The following CHD5 variants were observed in gnomAD, a reference collection of about 807,000 sequenced individuals.
The protein encoded by CHD5 is chromodomain helicase DNA binding protein 5, also known as ATP-dependent chromatin remodeler CHD5.
In CHD5, 69 loss-of-function variants were observed where a neutral mutation model predicts 230.3. The observed-to-expected ratio is 0.30, with a 90% CI of 0.25 to 0.37. CHD5 has a LOEUF of 0.37. CHD5 is among the 10% of genes least tolerant of loss of function. The pLI is 1.00. For missense variants in CHD5, 1,827 were observed against 2,622.8 expected (o/e 0.70, Z 6.63); for synonymous variants, 1,064 against 1,065.9 (o/e 1.00, Z 0.03).
At chr1:6,178,278 G>A (rs1039600711) in intron 1 of CHD5, among the ~76,000 whole-genome samples, 2 of 151,402 alleles carry the variant, frequency 1.3e-5, no homozygotes, top group South Asian at 2.1e-4. Context: ...TAGACTGGGG[G>A]CACCTTCCCT....
intron 1 of CHD5, among the ~76,000 whole-genome samples, chr1:6,172,387 T>C (rs1278833638): frequency 2.0e-5 from 3 of 152,142 alleles, no homozygotes; most frequent in East Asian, 1.9e-4. Flanking sequence ...TGCAGTGTTA[T>C]GATCATGGCT....
At chr1:6,179,273 G>A (rs1441668746) in intron 1 of CHD5, among the ~76,000 whole-genome samples, 1 of 152,310 alleles carries the variant, frequency 6.6e-6, no homozygotes, top group Middle Eastern at 3.4e-3. Flanking sequence ...AGCGGCGGGC[G>A]CTAGGTCGCG....
In CHD5 at chr1:6,134,625, C is replaced by T; in HGVS notation, c.3012+93G>A. 1 of 1,324,108 alleles carries T rather than the reference C, an allele frequency of 7.6e-7. No homozygotes were observed. Among genetic ancestry groups the T allele is most frequent in the Non-Finnish European group, 1.1e-6 (1 of 924,140 alleles). The allele number at this position is 1,324,108 out of a possible 1,614,324, so 82.0% of individuals were successfully genotyped here. A position where few individuals can be genotyped will look rare whatever the true frequency, so the allele number is the denominator to read the frequency against. ...AAATCGCCACAATGGCCAGGAGAAC[C>T]TATCACAGCGGCCACAGGGACCTAC... On this transcript the variant is annotated intron_variant, in intron 19 of 41. Transcript: ENST00000262450. This position sits in a 1 kb window ranked among gnomAD's most constrained non-coding sequence, Gnocchi z 6.3.
In CHD5 at chr1:6,121,920, C is replaced by T. The variant is rs1032328390; in HGVS notation, c.4700-347G>A. Among the ~76,000 whole-genome samples the T allele has an allele frequency of 7.9e-5, 12 of 152,208 alleles. No homozygotes were observed. The highest frequency in any genetic ancestry group is 1.9e-4 in the African/African-American group (8 of 41,464). On this transcript the variant is annotated intron_variant, in intron 31 of 41. Coordinates refer to ENST00000262450, the MANE Select transcript of CHD5 (RefSeq NM_015557.3). This position sits in a 1 kb window ranked among gnomAD's most constrained non-coding sequence, Gnocchi z 4.5. ...ACCCGCTCTGGTCCCAGCTTTCGGG[C>T]GGGCTGGCTGGTGTGTGCCTCTGGA...
chr1:6,121,364 C>G lies in CHD5; in HGVS notation c.4780-127G>C. On this transcript the variant is annotated intron_variant, in intron 32 of 41. Coordinates refer to ENST00000262450, the MANE Select transcript of CHD5 (RefSeq NM_015557.3). The surrounding 1 kb of genome is among the most constrained non-coding windows in gnomAD (Gnocchi z 4.5). Reference sequence around the variant, plus strand: ...TCGCTTGCTCCTAGCCTGCTCCCCGCCGATTCAGAGCCCCGAAAAGGGAGC... The same window carrying G: ...TCGCTTGCTCCTAGCCTGCTCCCCGGCGATTCAGAGCCCCGAAAAGGGAGC... 2.7e-6 allele frequency: 4 copies of G among 1,505,052 alleles called. No individual in the cohort carries two copies. Among genetic ancestry groups the G allele is most frequent in the Non-Finnish European group, 3.6e-6 (4 of 1,098,442 alleles). 93.2% of individuals were successfully genotyped at this position (1,505,052 alleles called of 1,614,324 possible).
intron 2 of CHD5, among the ~76,000 whole-genome samples, chr1:6,166,168 C>T (rs1341506533): frequency 6.6e-6 from 1 of 151,154 alleles, no homozygotes; most frequent in Non-Finnish European, 1.5e-5. Context: ...GGCAGAGGGG[C>T]CAGGGTCTCT....
intron 1 of CHD5, among the ~76,000 whole-genome samples, chr1:6,174,980 T>TGGTGGGG (rs1667400680): frequency 7.3e-6 from 1 of 137,846 alleles, no homozygotes; most frequent in African/African-American, 2.9e-5. Flanking sequence ...GAAGGATGGA[T>TGGTGGGG]GGATGGATGG....
rs746754866 is a variant in CHD5 at position 6,136,871 on chromosome 1, GA to G, written c.2437-7del. ...AATTTGATCTGCACTTCTTTCTGGAGAAAAGAGGGGCATTGGGGATGAGACG... is the reference window on the plus strand; with the variant it reads ...AATTTGATCTGCACTTCTTTCTGGAGAAAGAGGGGCATTGGGGATGAGACG... On this transcript the variant is annotated splice_region_variant and splice_polypyrimidine_tract_variant and intron_variant, in intron 15 of 41. Coordinates refer to ENST00000262450, the MANE Select transcript of CHD5 (RefSeq NM_015557.3). 6.2e-7 allele frequency: 1 copy of G among 1,603,204 alleles called. No homozygotes were observed.
intron 9 of CHD5, among the ~76,000 whole-genome samples, chr1:6,147,546 G>T (rs1261493095): frequency 2.0e-5 from 3 of 152,208 alleles, no homozygotes; most frequent in East Asian, 1.9e-4. Context: ...CCCTGAGATG[G>T]GTGGGAGCAG....
rs1666659297 is a variant in CHD5 at position 6,131,614 on chromosome 1, G to A, written c.3262+17C>T. On this transcript the variant is annotated intron_variant, in intron 21 of 41. Coordinates refer to ENST00000262450, the MANE Select transcript of CHD5 (RefSeq NM_015557.3). This position sits in a 1 kb window ranked among gnomAD's most constrained non-coding sequence, Gnocchi z 5.0. ...AAAAGGAGTCTCAATCAGAACCCTTGGGCAGGATGGGGGTACCATTGAATC... is the reference window on the plus strand; with the variant it reads ...AAAAGGAGTCTCAATCAGAACCCTTAGGCAGGATGGGGGTACCATTGAATC... The A allele has an allele frequency of 6.8e-6, 10 of 1,468,140 alleles. No individual in the cohort carries two copies. Among genetic ancestry groups the A allele is most frequent in the Non-Finnish European group, 9.5e-6 (10 of 1,047,782 alleles). The allele number at this position is 1,468,140 out of a possible 1,614,324, so 90.9% of individuals were successfully genotyped here.
In CHD5 at chr1:6,134,115, A is replaced by G. The variant is rs779930984; in HGVS notation, c.3144+13T>C. 6 of 1,605,446 alleles carry G rather than the reference A, an allele frequency of 3.7e-6. No homozygotes were observed. Among genetic ancestry groups the G allele is most frequent in the Non-Finnish European group, 5.1e-6 (6 of 1,175,754 alleles). On this transcript the variant is annotated intron_variant, in intron 20 of 41. Transcript: ENST00000262450. The surrounding 1 kb of genome is among the most constrained non-coding windows in gnomAD (Gnocchi z 6.3). Reference sequence around the variant, plus strand: ...GTGTGGAGCCGGGGCGGGGGTGGGCAGGGGCAGCGCACCTGGGAGAAGATG... The same window carrying G: ...GTGTGGAGCCGGGGCGGGGGTGGGCGGGGGCAGCGCACCTGGGAGAAGATG...
intron 15 of CHD5, among the ~76,000 whole-genome samples, chr1:6,141,594 G>C (rs997972846): frequency 6.6e-6 from 1 of 152,016 alleles, no homozygotes; most frequent in Non-Finnish European, 1.5e-5. Context: ...CAGCCTGGGC[G>C]ATACAGTGTC....
Position 6,168,198 on chromosome 1 carries a change from G to A in CHD5, c.159C>T (p.Pro53=). The A allele has an allele frequency of 6.2e-7, 1 of 1,612,254 alleles. No individual in the cohort carries two copies. Among genetic ancestry groups the A allele is most frequent in the South Asian group, 1.1e-5 (1 of 90,928 alleles). Residue 53 remains proline, a synonymous_variant, in exon 2 of 42, where the codon CCC becomes CCT. Transcript: ENST00000262450. ...EPVSLPKKKK[P]KKLKENKCKG... ...TACACTTGTTTTCCTTGAGCTTCTT[G>A]GGTTTCTTCTTCTTAGGAAGGCTCA... is the stretch of plus-strand genomic sequence containing the variant.
chr1:6,120,168 A>C (rs759441401), intron 33 of CHD5, among the ~76,000 whole-genome samples: 1 of 152,030 alleles, frequency 6.6e-6, no homozygotes, highest in African/African-American at 2.4e-5. Flanking sequence ...GCCCTAATGC[A>C]TATAGTTAGA....
At chr1:6,112,072 C>A in intron 35 of CHD5, 68 bp downstream of exon 35, 1 of 1,557,664 alleles carries the variant, frequency 6.4e-7, no homozygotes, top group Non-Finnish European at 8.8e-7. Flanking sequence ...AAGTTAACCA[C>A]TGGTCTAGAC....
intron 1 of CHD5, among the ~76,000 whole-genome samples, chr1:6,174,299 A>C (rs1278051208): frequency 6.6e-6 from 1 of 152,248 alleles, no homozygotes; most frequent in Non-Finnish European, 1.5e-5. Context: ...GCAAAAGCCC[A>C]GAAAGTTAGA....
rs746726511 is a variant in CHD5, at chr1:6,142,394, C to T, written c.2235+20G>A. Reference sequence around the variant, plus strand: ...GCCAGGACCAGCCACCCCTCCTGGCCGCCTGCCCCGCCTGCCCACCTCCTT... The same window carrying T: ...GCCAGGACCAGCCACCCCTCCTGGCTGCCTGCCCCGCCTGCCCACCTCCTT... On this transcript the variant is annotated intron_variant, in intron 14 of 41. Coordinates refer to ENST00000262450, the MANE Select transcript of CHD5 (RefSeq NM_015557.3). The surrounding 1 kb of genome is among the most constrained non-coding windows in gnomAD (Gnocchi z 5.2). 2.2e-5 allele frequency: 35 copies of T among 1,596,436 alleles called. No homozygotes were observed. Among genetic ancestry groups the T allele is most frequent in the Non-Finnish European group, 9.4e-6 (11 of 1,167,542 alleles).
Position 6,112,765 on chromosome 1 carries a change from A to G in CHD5, c.5002+144T>C. On this transcript the variant is annotated intron_variant, in intron 34 of 41. Transcript: ENST00000262450. ...CGGCATTGGCTGTGAGGGGCTGGTG[A>G]ATCCAGGCTCCCACCTGCCAGCTCC... 9.7e-6 allele frequency: 6 copies of G among 618,480 alleles called. No individual in the cohort carries two copies. The South Asian group carries it at 1.3e-4, about 13-fold the overall frequency. The allele number at this position is 618,480 out of a possible 1,614,324, so 38.3% of individuals were successfully genotyped here.
At chr1:6,115,013 CA>C (rs58602687) in intron 33 of CHD5, among the ~76,000 whole-genome samples, 26,997 of 136,154 alleles carry the variant, frequency 0.2, 2,571 homozygotes, top group Middle Eastern at 0.25. Flanking sequence ...GACTCCATCT[CA>C]AAAAAAAAAA....
Sources: allele counts gnomAD v4.1 joint callset (sites outside exome capture counted in the v4.1 genomes callset), GRCh38; gene constraint gnomAD v4.1.1; non-coding constraint Gnocchi (gnomAD v3.1); transcripts MANE v1.5; gene names NCBI Gene and HGNC (gene_info 2026-07-23, HGNC 2026-07-21).